The following ZNF705A variants were observed in gnomAD, a reference collection of about 807,000 sequenced individuals.
ZNF705A encodes the protein zinc finger protein 705A.
In ZNF705A, 8 loss-of-function variants were observed where a neutral mutation model predicts 16.6. That is an observed-to-expected ratio of 0.48 (90% confidence interval 0.28 to 0.87). The LOEUF is 0.87. ZNF705A is among the 40% of genes least tolerant of loss of function. The pLI, the probability that ZNF705A is intolerant of heterozygous loss-of-function variation, is 0.10. For missense variants in ZNF705A, 233 were observed against 359.9 expected (o/e 0.65, Z 2.85); for synonymous variants, 73 against 117.3 (o/e 0.62, Z 2.44).
At chr12:8,157,437 G>A (rs972273442) in intron 1 of ZNF705A, among the ~76,000 whole-genome samples, 1 of 151,886 alleles carries the variant, frequency 6.6e-6, no homozygotes, top group African/African-American at 2.4e-5. Context: ...TGCCTGAGGG[G>A]GAAAAAAGAA....
At chr12:8,165,550 T>G (rs1188697792) in intron 1 of ZNF705A, among the ~76,000 whole-genome samples, 1 of 151,532 alleles carries the variant, frequency 6.6e-6, no homozygotes, top group Non-Finnish European at 1.5e-5. Context: ...TATTTTAGAT[T>G]TAGGAGATGC....
chr12:8,162,711 A>T (rs1948366132), intron 1 of ZNF705A, among the ~76,000 whole-genome samples: 1 of 152,184 alleles, frequency 6.6e-6, no homozygotes, highest in Admixed American at 6.5e-5. Flanking sequence ...CACAAGGGAA[A>T]ATGGGTGCTA....
intron 1 of ZNF705A, among the ~76,000 whole-genome samples, chr12:8,167,312 C>T (rs2120710634): frequency 6.6e-6 from 1 of 152,280 alleles, no homozygotes; most frequent in East Asian, 1.9e-4. Context: ...AGCCTTAACT[C>T]TTTGGTTTCC....
exon 5 of ZNF705A, chr12:8,177,170 C>A: frequency 6.2e-7 from 1 of 1,611,938 alleles, no homozygotes; most frequent in Non-Finnish European, 8.5e-7. Flanking sequence ...ACCACATAAA[C>A]AAATTCATAC....
chr12:8,178,842 G>A (rs1415371957), exon 5 of ZNF705A: 1 of 152,200 alleles, frequency 6.6e-6, no homozygotes, highest in East Asian at 1.9e-4. Context: ...CCTTGGGTGA[G>A]ATTCTTGGTC....
intron 1 of ZNF705A, among the ~76,000 whole-genome samples, chr12:8,164,417 C>T (rs1457996788): frequency 1.3e-5 from 2 of 152,192 alleles, no homozygotes; most frequent in African/African-American, 4.8e-5. Context: ...GACAGGGTTT[C>T]ATTATTATGT....
rs191387486 is a variant in ZNF705A, at chr12:8,173,807, A to G, written c.13-519A>G. 3.1e-3 allele frequency among the ~76,000 whole-genome samples: 470 copies of G among 152,370 alleles called. 2 individuals are homozygous for G. The highest frequency in any genetic ancestry group is 0.011 in the African/African-American group (457 of 41,582). On this transcript the variant is annotated intron_variant, in intron 1 of 4. Coordinates refer to ENST00000359286, the Ensembl canonical transcript of ZNF705A. ...TATATTTAATAAATATTTGCTAGAT[A>G]GGAAACACGTTTTCTATTAGTCCAT... is the stretch of plus-strand genomic sequence containing the variant.
At chr12:8,174,356 G>T (rs1256887046) in exon 2 of ZNF705A, 1 of 1,597,004 alleles carries the variant, frequency 6.3e-7, no homozygotes, top group East Asian at 2.2e-5. Context: ...TGTAGCTATT[G>T]ACTTCACCCA....
upstream of ZNF705A, among the ~76,000 whole-genome samples, chr12:8,168,623 G>T (rs1390685697): frequency 6.6e-6 from 1 of 152,098 alleles, no homozygotes; most frequent in Admixed American, 6.5e-5. Flanking sequence ...TAACTAAATG[G>T]CATATCCTTA....
chr12:8,176,644 A>C (rs7968628), intron 4 of ZNF705A, among the ~76,000 whole-genome samples: 70,621 of 151,960 alleles, frequency 0.46, 17,252 homozygotes, highest in Non-Finnish European at 0.56. Context: ...GGATGACTGC[A>C]CCTGTAAAGA....
At chr12:8,172,528 T>C, upstream of ZNF705A, 4 of 1,529,196 alleles carry the variant, frequency 2.6e-6, no homozygotes, top group Non-Finnish European at 3.6e-6. Context: ...AAGACTGCTG[T>C]CTCACATGTT....
At chr12:8,164,056 C>A (rs1227172515) in intron 1 of ZNF705A, among the ~76,000 whole-genome samples, 2 of 152,074 alleles carry the variant, frequency 1.3e-5, no homozygotes, top group Non-Finnish European at 2.9e-5. Flanking sequence ...CCCTGAGTCC[C>A]CCCCTTTATT....
chr12:8,158,251 A>C (rs762627240), intron 1 of ZNF705A, among the ~76,000 whole-genome samples: 1 of 152,218 alleles, frequency 6.6e-6, no homozygotes, highest in Admixed American at 6.5e-5. Context: ...CAAATTGAAC[A>C]TTTTTATTAC....
In ZNF705A at chr12:8,159,901, G is replaced by A. The variant is rs147484360; in HGVS notation, c.-72+2809G>A. ...TCTTGGTCATGAAATCCTTGCCTAA[G>A]CCAATGTCTAGAAGGGTTTTTTCAA... On this transcript the variant is annotated intron_variant, in intron 1 of 5. Coordinates refer to the ZNF705A transcript ENST00000396570. Among the ~76,000 whole-genome samples, 565 of 152,232 alleles carry A rather than the reference G, an allele frequency of 3.7e-3. 17 individuals carry two copies. Among genetic ancestry groups the A allele is most frequent in the Admixed American group, 0.034 (512 of 15,276 alleles).
upstream of ZNF705A, among the ~76,000 whole-genome samples, chr12:8,169,970 A>C (rs1191958780): frequency 5.3e-5 from 8 of 152,138 alleles, no homozygotes; most frequent in East Asian, 1.3e-3. Flanking sequence ...CTAGCGGATC[A>C]CCTGAGGTCA....
chr12:8,177,393 T>C (rs750422862), exon 5 of ZNF705A: 3 of 1,611,884 alleles, frequency 1.9e-6, no homozygotes, highest in Non-Finnish European at 2.5e-6. Context: ...AAAGCCTTTA[T>C]TCAATCCTTT....
upstream of ZNF705A, among the ~76,000 whole-genome samples, chr12:8,171,341 T>C (rs1333280004): frequency 6.6e-6 from 1 of 152,326 alleles, no homozygotes; most frequent in South Asian, 2.1e-4. Flanking sequence ...TTTCCCCCTG[T>C]CTCAAACACA....
chr12:8,163,355 T>G (rs183839221), intron 1 of ZNF705A, among the ~76,000 whole-genome samples: 2 of 152,344 alleles, frequency 1.3e-5, no homozygotes, highest in Admixed American at 1.3e-4. Flanking sequence ...CATTAAATAA[T>G]GTAAACTTTC....
chr12:8,173,532 G>A (rs761072413), intron 1 of ZNF705A, among the ~76,000 whole-genome samples: 1 of 152,328 alleles, frequency 6.6e-6, no homozygotes, highest in African/African-American at 2.4e-5. Flanking sequence ...AGAGAAAGTT[G>A]AGAACAGGAG....
Sources: gnomAD v4.1 joint callset for allele counts (sites outside exome capture counted in the v4.1 genomes callset) on GRCh38, gnomAD v4.1.1 for gene constraint, MANE v1.5 for transcripts, NCBI Gene and HGNC (gene_info 2026-07-23, HGNC 2026-07-21) for gene names.